The following TRIM2 variants were observed in gnomAD, a reference collection of about 807,000 sequenced individuals.
TRIM2 encodes tripartite motif-containing protein 2.
A neutral mutation model predicts 75.2 loss-of-function variants in TRIM2; 20 were observed. The ratio of observed to expected loss-of-function variants is 0.27; its 90% confidence interval spans 0.19 to 0.39. The LOEUF is 0.39. Ranked by LOEUF, TRIM2 falls within the 10% of genes least tolerant of loss-of-function variation. TRIM2 has a pLI of 1.00. For missense variants in TRIM2, 660 were observed against 990.8 expected (o/e 0.67, Z 4.48); for synonymous variants, 373 against 388.3 (o/e 0.96, Z 0.46).
At chr4:153,175,011 T>C (rs1731268788) in intron 1 of TRIM2, among the ~76,000 whole-genome samples, 1 of 102,906 alleles carries the variant, frequency 9.7e-6, no homozygotes, top group African/African-American at 3.6e-5. Flanking sequence ...GTTTTTGTTT[T>C]GTTTTGTTTT....
At chr4:153,214,891 T>C (rs1164997797) in intron 1 of TRIM2, among the ~76,000 whole-genome samples, 1 of 152,202 alleles carries the variant, frequency 6.6e-6, no homozygotes, top group Admixed American at 6.5e-5. Context: ...AGTAGGTTCT[T>C]TTTTCAATGT....
intron 1 of TRIM2, among the ~76,000 whole-genome samples, chr4:153,230,746 A>G (rs1743397924): frequency 6.6e-6 from 1 of 152,150 alleles, no homozygotes; most frequent in African/African-American, 2.4e-5. Flanking sequence ...CATCCATCCT[A>G]TCAATTTTTA....
chr4:153,312,711 A>C (rs957231509), intron 6 of TRIM2, among the ~76,000 whole-genome samples: 2 of 152,152 alleles, frequency 1.3e-5, no homozygotes, highest in Non-Finnish European at 2.9e-5. Context: ...TACTGGGTAT[A>C]TATCCAAAGG....
intron 6 of TRIM2, among the ~76,000 whole-genome samples, chr4:153,313,836 C>T (rs1400473785): frequency 4.6e-5 from 7 of 151,982 alleles, no homozygotes; most frequent in Non-Finnish European, 1.0e-4. Context: ...GGGGTTTCAC[C>T]ATGTTGGCCA....
intron 6 of TRIM2, among the ~76,000 whole-genome samples, chr4:153,300,305 C>T (rs1247755231): frequency 1.3e-5 from 2 of 151,782 alleles, no homozygotes; most frequent in African/African-American, 4.8e-5. Context: ...GGCTGGAGTA[C>T]AATGGCGAGA....
intron 3 of TRIM2, among the ~76,000 whole-genome samples, chr4:153,276,973 T>C (rs1405502613): frequency 1.3e-5 from 2 of 152,244 alleles, no homozygotes; most frequent in Admixed American, 6.5e-5. Context: ...AATTACTTTA[T>C]ATTCATCTCA....
intron 1 of TRIM2, chr4:153,257,645 C>T (rs1431549483): frequency 1.6e-6 from 2 of 1,241,590 alleles, no homozygotes; most frequent in Non-Finnish European, 2.1e-6. Flanking sequence ...ATGGTGCTTC[C>T]CAACTTGAAG....
At position 153,248,129 on chromosome 4, in the gene TRIM2, G is replaced by T. The variant is rs533086418; in HGVS notation, c.31-22206G>T. On this transcript the variant is annotated intron_variant, in intron 1 of 11. Coordinates refer to ENST00000338700, the MANE Select transcript of TRIM2 (RefSeq NM_015271.5). The surrounding 1 kb of genome is among the most constrained non-coding windows in gnomAD (Gnocchi z 4.0). ...TTGTGCTTCAGCCTCCTGAATAGCT[G>T]GGATTACAGGCGCCTGCCACCATGC... 2.2e-4 allele frequency among the ~76,000 whole-genome samples: 34 copies of T among 151,790 alleles called. No individual in the cohort carries two copies. In the East Asian group the frequency reaches 6.2e-3, roughly 28 times the overall value.
intron 9 of TRIM2, among the ~76,000 whole-genome samples, chr4:153,323,762 C>A (rs575311517): frequency 4.8e-4 from 73 of 152,302 alleles, no homozygotes; most frequent in African/African-American, 1.7e-3. Context: ...GGGAAGCTGG[C>A]AGATGTGACT....
At chr4:153,297,895 T>C (rs183734167) in intron 6 of TRIM2, among the ~76,000 whole-genome samples, 2 of 152,360 alleles carry the variant, frequency 1.3e-5, no homozygotes, top group East Asian at 1.9e-4. Context: ...ATACGTGGCA[T>C]GTGCCTGTGT....
intron 1 of TRIM2, among the ~76,000 whole-genome samples, chr4:153,249,176 A>G (rs546957404): frequency 8.5e-5 from 13 of 152,390 alleles, no homozygotes; most frequent in Non-Finnish European, 1.9e-4. Context: ...CAAAAAGGTT[A>G]GAAAAGGAAA....
At chr4:153,315,410 G>T in intron 6 of TRIM2, 75 bp from the exon 7 acceptor site, 2 of 1,244,794 alleles carry the variant, frequency 1.6e-6, no homozygotes, top group East Asian at 2.4e-5. Context: ...GTGGAAATCT[G>T]AATTATTCTC....
chr4:153,326,755 C>A (rs940652806), intron 10 of TRIM2, among the ~76,000 whole-genome samples: 71 of 152,268 alleles, frequency 4.7e-4, no homozygotes, highest in African/African-American at 1.7e-3. Context: ...CCAAGGCGGA[C>A]AGCTCACCTG....
At chr4:153,277,345 T>G (rs1269680052) in intron 3 of TRIM2, among the ~76,000 whole-genome samples, 1 of 152,216 alleles carries the variant, frequency 6.6e-6, no homozygotes, top group Non-Finnish European at 1.5e-5. Context: ...AGGTTGCCTC[T>G]TACAGCTGGT....
upstream of TRIM2, among the ~76,000 whole-genome samples, chr4:153,202,565 G>T (rs1054442611): frequency 6.6e-6 from 1 of 151,956 alleles, no homozygotes; most frequent in Non-Finnish European, 1.5e-5. Context: ...CGGGCATGGC[G>T]GCATGCGCCT....
intron 1 of TRIM2, among the ~76,000 whole-genome samples, chr4:153,254,328 A>G (rs1751549152): frequency 2.0e-5 from 3 of 152,164 alleles, no homozygotes; most frequent in South Asian, 4.1e-4. Context: ...ATGCATAGGC[A>G]CTGTCTGTAT....
At chr4:153,250,556 A>G (rs1303851443) in intron 1 of TRIM2, among the ~76,000 whole-genome samples, 1 of 152,232 alleles carries the variant, frequency 6.6e-6, no homozygotes, top group Admixed American at 6.5e-5. Context: ...TACCAGACCA[A>G]CCAAAATTCC....
At chr4:153,188,193 C>T (rs954216199) in intron 1 of TRIM2, among the ~76,000 whole-genome samples, 17 of 152,330 alleles carry the variant, frequency 1.1e-4, no homozygotes, top group African/African-American at 3.8e-4. Flanking sequence ...GGCGCGGTGG[C>T]TCACGCCTGT....
At chr4:153,235,867 G>A (rs1030956916) in intron 1 of TRIM2, among the ~76,000 whole-genome samples, 1 of 152,108 alleles carries the variant, frequency 6.6e-6, no homozygotes, top group Non-Finnish European at 1.5e-5. Flanking sequence ...CCGGGACCCT[G>A]CCAACATCCT....
Sources: gnomAD v4.1 joint callset for allele counts (sites outside exome capture counted in the v4.1 genomes callset) on GRCh38, gnomAD v4.1.1 for gene constraint, Gnocchi (gnomAD v3.1) non-coding constraint, MANE v1.5 for transcripts, NCBI Gene and HGNC (gene_info 2026-07-23, HGNC 2026-07-21) for gene names.